Variants in SLC66A2 observed in about 807,000 individuals in gnomAD.
SLC66A2 encodes solute carrier family 66 member 2.
Under a neutral mutation model 25.5 loss-of-function variants are expected in SLC66A2, and 23 were observed. That is an observed-to-expected ratio of 0.90 (90% CI 0.65 to 1.28). SLC66A2 has a LOEUF of 1.28. Among genes scored for constraint, SLC66A2 ranks in the 50% most tolerant of loss-of-function variants. SLC66A2 has a pLI of 0.00. For missense variants in SLC66A2, 396 were observed against 373.1 expected (o/e 1.06, Z -0.51); for synonymous variants, 193 against 166.5 (o/e 1.16, Z -1.23).
intron 3 of SLC66A2, among the ~76,000 whole-genome samples, chr18:79,936,259 G>A (rs564091880): frequency 7.9e-5 from 12 of 152,304 alleles, no homozygotes; most frequent in Non-Finnish European, 1.2e-4. Flanking sequence ...TGGCCCAGGC[G>A]AGCCCCCAAT....
In SLC66A2 at chr18:79,940,043, T is replaced by C. The variant is rs1188384088; in HGVS notation, c.337+3286A>G. On this transcript the variant is annotated intron_variant, in intron 3 of 5. Coordinates refer to ENST00000397778, the MANE Select transcript of SLC66A2 (RefSeq NM_025078.5). The surrounding 1 kb of genome is among the most constrained non-coding windows in gnomAD (Gnocchi z 4.1). ...GGTACGTATACACCACGGAACACTA[T>C]GCAGCCATAAAAGAGAACAAGATCG... Among the ~76,000 whole-genome samples, 1 of 152,208 alleles carries C rather than the reference T, an allele frequency of 6.6e-6. No individual in the cohort carries two copies. Among genetic ancestry groups the C allele is most frequent in the Non-Finnish European group, 1.5e-5 (1 of 68,038 alleles).
intron 3 of SLC66A2, among the ~76,000 whole-genome samples, chr18:79,934,711 C>T (rs1277827667): frequency 6.6e-6 from 1 of 152,180 alleles, no homozygotes; most frequent in Non-Finnish European, 1.5e-5. Context: ...TCCTGGGAAG[C>T]CCCATGGGGT....
intron 3 of SLC66A2, among the ~76,000 whole-genome samples, chr18:79,939,020 A>C (rs1173783193): frequency 6.6e-6 from 1 of 151,484 alleles, no homozygotes; most frequent in Non-Finnish European, 1.5e-5. Flanking sequence ...AATGTCTACC[A>C]TGAGCATGCA....
In SLC66A2 at chr18:79,903,712, C is replaced by G. The variant is rs1382698908; in HGVS notation, c.*264G>C. 2.0e-6 allele frequency: 1 copy of G among 503,512 alleles called. No homozygotes were observed. Among genetic ancestry groups the G allele is most frequent in the Non-Finnish European group, 3.5e-6 (1 of 288,806 alleles). 31.2% of individuals were successfully genotyped at this position (503,512 alleles called of 1,614,324 possible). On this transcript the variant is annotated 3_prime_UTR_variant, in exon 6 of 6. Transcript: ENST00000397778. Reference sequence around the variant, plus strand: ...GTTTCATAAGAGGAAATGGGGAAAACACTTGCTTTTTATGTCATCCTAAAA... The same window carrying G: ...GTTTCATAAGAGGAAATGGGGAAAAGACTTGCTTTTTATGTCATCCTAAAA...
chr18:79,949,098 T>C (rs117237087), intron 2 of SLC66A2, among the ~76,000 whole-genome samples: 247 of 152,276 alleles, frequency 1.6e-3, no homozygotes, highest in Middle Eastern at 6.8e-3. Flanking sequence ...TCCGAGGTCG[T>C]TGCAGGGGAC....
chr18:79,911,107 GA>G (rs1432288349), intron 5 of SLC66A2, among the ~76,000 whole-genome samples: 4 of 152,218 alleles, frequency 2.6e-5, no homozygotes, highest in African/African-American at 7.2e-5. Flanking sequence ...GCAGAGCCTG[GA>G]ACAGCGTGGG....
Position 79,930,837 on chromosome 18 carries a change from C to A in SLC66A2, c.391+3132G>T, listed in dbSNP as rs1986496739. On this transcript the variant is annotated intron_variant, in intron 4 of 5. Transcript: ENST00000397778. ...TTGTTCTCCTTTCTTTTCTCAAGTT[C>A]TTGAATGACATAAAATGTATATAAA... is the stretch of plus-strand genomic sequence containing the variant. 3.3e-5 allele frequency among the ~76,000 whole-genome samples: 5 copies of A among 152,134 alleles called. 1 individual carries two copies. The South Asian group carries it at 1.0e-3, about 32-fold the overall frequency.
intron 5 of SLC66A2, among the ~76,000 whole-genome samples, chr18:79,916,769 T>C (rs1381593263): frequency 6.6e-6 from 1 of 152,234 alleles, no homozygotes; most frequent in African/African-American, 2.4e-5. Context: ...GCGGTTTATG[T>C]CTGTCCTTTA....
chr18:79,904,008 C>T lies in SLC66A2; in HGVS notation c.784G>A (p.Ala262Thr), dbSNP rs772812185. Residue 262 changes from alanine (A) to threonine (T), a missense_variant, in exon 6 of 6, where the codon GCC (alanine) becomes ACC (threonine). By Grantham distance (58) the Ala-to-Thr change is moderately conservative (BLOSUM62 0). Coordinates refer to ENST00000397778, the MANE Select transcript of SLC66A2 (RefSeq NM_025078.5). This position sits in a 1 kb window ranked among gnomAD's most constrained non-coding sequence, Gnocchi z 6.3. ...ARHPQKPAPH[A>T]VHPTGTKAL is the part of the protein sequence containing the mutation. ...GCCTTGGTGCCAGTGGGGTGCACGGCGTGGGGCGCCGGCTTCTGGGGGTGG... is the reference window on the plus strand; with the variant it reads ...GCCTTGGTGCCAGTGGGGTGCACGGTGTGGGGCGCCGGCTTCTGGGGGTGG... The T allele has an allele frequency of 6.2e-6, 10 of 1,605,144 alleles. No homozygotes were observed. In the East Asian group the frequency reaches 6.7e-5, roughly 11 times the overall value.
chr18:79,911,688 C>T (rs181506931), intron 5 of SLC66A2, among the ~76,000 whole-genome samples: 2 of 152,340 alleles, frequency 1.3e-5, no homozygotes, highest in Non-Finnish European at 2.9e-5. Context: ...ACTGGAATCC[C>T]AGCCATCCCC....
At chr18:79,950,539 T>C (rs1020309220) in intron 2 of SLC66A2, among the ~76,000 whole-genome samples, 185 bp downstream of exon 2, 1 of 152,126 alleles carries the variant, frequency 6.6e-6, no homozygotes, top group Non-Finnish European at 1.5e-5. Context: ...CCACCGTTTT[T>C]CTGGAAAAAT....
intron 1 of SLC66A2, among the ~76,000 whole-genome samples, chr18:79,951,313 G>T (rs1373831078): frequency 6.6e-6 from 1 of 151,440 alleles, no homozygotes; most frequent in Non-Finnish European, 1.5e-5. Context: ...CGCGCCCCGG[G>T]ATGGGGTGGG....
intron 3 of SLC66A2, among the ~76,000 whole-genome samples, chr18:79,935,792 G>A (rs535178452): frequency 9.2e-5 from 14 of 152,274 alleles, no homozygotes; most frequent in Admixed American, 3.9e-4. Context: ...GCCAAAGAGC[G>A]AGTGAGGGAG....
chr18:79,922,657 G>A (rs541097529), intron 4 of SLC66A2, among the ~76,000 whole-genome samples: 15 of 152,132 alleles, frequency 9.9e-5, no homozygotes, highest in African/African-American at 3.6e-4. Flanking sequence ...GCAGTCCAGG[G>A]GACATAGCGG....
At chr18:79,933,400 C>A (rs371217078) in intron 4 of SLC66A2, among the ~76,000 whole-genome samples, 1 of 152,114 alleles carries the variant, frequency 6.6e-6, no homozygotes, top group South Asian at 2.1e-4. Flanking sequence ...CCACTCTCAC[C>A]GCCTATAACC....
intron 2 of SLC66A2, among the ~76,000 whole-genome samples, chr18:79,950,378 A>T (rs1167083348): frequency 2.6e-5 from 4 of 152,150 alleles, no homozygotes; most frequent in Non-Finnish European, 5.9e-5. Context: ...AAGAAAAACT[A>T]TACAACATGA....
chr18:79,929,180 G>C (rs539154279), intron 4 of SLC66A2, among the ~76,000 whole-genome samples: 1 of 152,316 alleles, frequency 6.6e-6, no homozygotes, highest in African/African-American at 2.4e-5. Flanking sequence ...ACAACCAAGA[G>C]GAGCACTCCT....
chr18:79,905,886 C>T (rs1982057907), intron 5 of SLC66A2, among the ~76,000 whole-genome samples: 2 of 152,380 alleles, frequency 1.3e-5, no homozygotes, highest in South Asian at 2.1e-4. Flanking sequence ...CACACACCCA[C>T]ACACAGACAC....
intron 3 of SLC66A2, among the ~76,000 whole-genome samples, chr18:79,938,038 G>A (rs923705939): frequency 6.6e-6 from 1 of 151,976 alleles, no homozygotes; most frequent in East Asian, 1.9e-4. Context: ...CGCTTTGGGA[G>A]GCTGAGGTGG....
Sources: allele counts gnomAD v4.1 joint callset (sites outside exome capture counted in the v4.1 genomes callset), GRCh38; gene constraint gnomAD v4.1.1; non-coding constraint Gnocchi (gnomAD v3.1); transcripts MANE v1.5; gene names NCBI Gene and HGNC (gene_info 2026-07-23, HGNC 2026-07-21).